Variants in GAREM1 observed in about 807,000 individuals in gnomAD.
The protein encoded by GAREM1 is GRB2 associated regulator of MAPK1 subtype 1, also known as GRB2-associated and regulator of MAPK protein 1.
Under a neutral mutation model 71.3 loss-of-function variants are expected in GAREM1, and 26 were observed. The observed-to-expected ratio is 0.36, with a 90% CI of 0.27 to 0.51. GAREM1 has a LOEUF of 0.51. Among genes scored for constraint, GAREM1 ranks in the 20% least tolerant of loss-of-function variants. The pLI is 0.95. For missense variants in GAREM1, 1,026 were observed against 1,103.1 expected (o/e 0.93, Z 0.99); for synonymous variants, 440 against 433.2 (o/e 1.02, Z -0.20).
At chr18:32,343,514 C>T (rs537656157) in intron 2 of GAREM1, among the ~76,000 whole-genome samples, 136 of 151,946 alleles carry the variant, frequency 9.0e-4, no homozygotes, top group Non-Finnish European at 9.1e-4. Context: ...TTGGCCAGAC[C>T]GGTCTTGAAC....
chr18:32,341,152 C>T (rs745695150), intron 2 of GAREM1, among the ~76,000 whole-genome samples: 4 of 152,234 alleles, frequency 2.6e-5, no homozygotes, highest in South Asian at 4.2e-4. Flanking sequence ...TGACAGGCCC[C>T]GGTGTGTGAT....
At chr18:32,291,135 C>G (rs2047079584) in intron 3 of GAREM1, among the ~76,000 whole-genome samples, 1 of 151,922 alleles carries the variant, frequency 6.6e-6, no homozygotes. Context: ...ACACACACTT[C>G]CTGGTACTAT....
intron 1 of GAREM1, among the ~76,000 whole-genome samples, chr18:32,458,321 T>C (rs891541381): frequency 2.0e-5 from 3 of 152,088 alleles, no homozygotes; most frequent in Non-Finnish European, 2.9e-5. Flanking sequence ...ATAATTATAT[T>C]TGTGAACACA....
At chr18:32,351,988 GAAT>G (rs569853052) in intron 2 of GAREM1, among the ~76,000 whole-genome samples, 2 of 152,128 alleles carry the variant, frequency 1.3e-5, no homozygotes, top group East Asian at 3.9e-4. Context: ...TTAAATGAAA[GAAT>G]AATAAAAATT....
At chr18:32,303,195 G>A (rs923256341) in intron 3 of GAREM1, among the ~76,000 whole-genome samples, 1 of 152,170 alleles carries the variant, frequency 6.6e-6, no homozygotes, top group Non-Finnish European at 1.5e-5. Context: ...ACTAGTTGGA[G>A]CTAAAATAGT....
chr18:32,334,528 G>A (rs1325714694), intron 2 of GAREM1, among the ~76,000 whole-genome samples: 1 of 152,150 alleles, frequency 6.6e-6, no homozygotes, highest in Non-Finnish European at 1.5e-5. Flanking sequence ...GCAGAGGGAG[G>A]CTCCGGCTTT....
rs117514310 is a variant in GAREM1, at chr18:32,303,003, G to A, written c.393+7190C>T. 9.9e-3 allele frequency among the ~76,000 whole-genome samples: 1,504 copies of A among 152,308 alleles called. 20 individuals are homozygous for A. The highest frequency in any genetic ancestry group is 0.02 in the Middle Eastern group (6 of 294). On this transcript the variant is annotated intron_variant, in intron 3 of 5. Coordinates refer to ENST00000269209, the MANE Select transcript of GAREM1 (RefSeq NM_001242409.2). ...TCACCTCAGCTCCTGGGCAGACCAC[G>A]CACGCAGTAGGGAAGTGGTTCTGAA...
At chr18:32,360,514 T>TA (rs940257511) in intron 2 of GAREM1, among the ~76,000 whole-genome samples, 21 of 152,214 alleles carry the variant, frequency 1.4e-4, no homozygotes, top group Admixed American at 3.9e-4. Flanking sequence ...CCTACTGGCC[T>TA]ACTGGTTTAT....
At position 32,310,206 on chromosome 18, in the gene GAREM1, G is replaced by A. The variant is rs368526702; in HGVS notation, c.380C>T (p.Thr127Ile). Residue 127 changes from threonine to isoleucine, a missense_variant, in exon 3 of 6, where the codon ACA becomes ATA. Transcript: ENST00000269209. The stretch of plus-strand genomic sequence containing the variant: ...AAGAGCTACTACCTTCACGTTGAAT[G>A]TGATATCCTCCATGACGTACACGCG... Reference protein sequence around the residue: ...PERVYVMEDITFNVKVASGEC... With the variant: ...PERVYVMEDIIFNVKVASGEC... The A allele has an allele frequency of 1.2e-6, 2 of 1,613,888 alleles. No individual in the cohort carries two copies. Among genetic ancestry groups the A allele is most frequent in the Non-Finnish European group, 1.7e-6 (2 of 1,179,962 alleles).
chr18:32,351,701 C>CTT (rs60133649), intron 2 of GAREM1, among the ~76,000 whole-genome samples: 22 of 144,872 alleles, frequency 1.5e-4, no homozygotes, highest in African/African-American at 2.5e-4. Flanking sequence ...TACCCTCTCT[C>CTT]TTTTTTTTTT....
chr18:32,351,701 CTTTT>C (rs60133649), intron 2 of GAREM1, among the ~76,000 whole-genome samples: 2 of 144,870 alleles, frequency 1.4e-5, no homozygotes, highest in East Asian at 2.0e-4. Flanking sequence ...TACCCTCTCT[CTTTT>C]TTTTTTTTTT....
chr18:32,355,304 T>C (rs1322067547), intron 2 of GAREM1, among the ~76,000 whole-genome samples: 1 of 152,158 alleles, frequency 6.6e-6, no homozygotes, highest in Non-Finnish European at 1.5e-5. Context: ...AAGAGGCCTA[T>C]GGTGAATAAT....
At chr18:32,304,166 G>A (rs1216922735) in intron 3 of GAREM1, among the ~76,000 whole-genome samples, 1 of 151,920 alleles carries the variant, frequency 6.6e-6, no homozygotes, top group East Asian at 1.9e-4. Flanking sequence ...AATTAGCCAG[G>A]CATGGTGGTG....
Position 32,270,484 on chromosome 18 carries a change from A to G in GAREM1, c.1567-101T>C. ...TGCTCAAGTCACACTCTTAAACCGT[A>G]ACAGCAGGGTGTAAGCATGGCAGAG... is the stretch of plus-strand genomic sequence containing the variant. On this transcript the variant is annotated intron_variant, in intron 4 of 5. Coordinates refer to ENST00000269209, the MANE Select transcript of GAREM1 (RefSeq NM_001242409.2). 4.2e-6 allele frequency: 4 copies of G among 951,844 alleles called. No individual in the cohort carries two copies. In the Admixed American group the frequency reaches 1.1e-4, roughly 27 times the overall value. 59.0% of individuals were successfully genotyped at this position (951,844 alleles called of 1,614,324 possible).
At chr18:32,400,781 C>T (rs1202308265) in intron 1 of GAREM1, among the ~76,000 whole-genome samples, 3 of 152,138 alleles carry the variant, frequency 2.0e-5, no homozygotes, top group Non-Finnish European at 4.4e-5. Flanking sequence ...CCTCAAGGAT[C>T]TAGAACTAGA....
At chr18:32,390,958 T>C (rs1030721497) in intron 2 of GAREM1, among the ~76,000 whole-genome samples, 2 of 152,140 alleles carry the variant, frequency 1.3e-5, no homozygotes, top group Non-Finnish European at 2.9e-5. Context: ...CAAACACCCA[T>C]AGCCACAAAG....
intron 1 of GAREM1, among the ~76,000 whole-genome samples, chr18:32,399,528 A>G (rs1217765280): frequency 6.6e-6 from 1 of 152,222 alleles, no homozygotes; most frequent in East Asian, 1.9e-4. Flanking sequence ...TACAACAGTA[A>G]CAGACAAACA....
chr18:32,267,919 C>T lies in GAREM1; in HGVS notation c.2583G>A (p.Gln861=), dbSNP rs2041397031. The T allele has an allele frequency of 6.2e-7, 1 of 1,613,728 alleles. No homozygotes were observed. The highest frequency in any genetic ancestry group is 1.7e-5 in the Admixed American group (1 of 59,988). ...LSEDFKLSKL[Q]VKKIMQFING... is the part of the protein sequence containing the mutation. ...TAATGAATTGCATTATCTTCTTCAC[C>T]TGCAATTTGCTCAATTTGAAATCCT... Residue 861 remains glutamine, a synonymous_variant, in exon 6 of 6, where the codon CAG becomes CAA. Coordinates refer to ENST00000269209, the MANE Select transcript of GAREM1 (RefSeq NM_001242409.2).
chr18:32,305,423 T>C (rs1357617341), intron 3 of GAREM1, among the ~76,000 whole-genome samples: 1 of 152,192 alleles, frequency 6.6e-6, no homozygotes, highest in Non-Finnish European at 1.5e-5. Context: ...ACCTCCTATT[T>C]TGCATCTCAT....
Sources: gnomAD v4.1 joint callset for allele counts (sites outside exome capture counted in the v4.1 genomes callset) on GRCh38, gnomAD v4.1.1 for gene constraint, MANE v1.5 for transcripts, NCBI Gene and HGNC (gene_info 2026-07-23, HGNC 2026-07-21) for gene names.